Variants in FAM24B observed in about 807,000 individuals in gnomAD.
FAM24B encodes the protein protein FAM24B.
A neutral mutation model predicts 2.3 loss-of-function variants in FAM24B; 3 were observed. The ratio of observed to expected loss-of-function variants is 1.29; its 90% CI spans 0.59 to 3.32. The LOEUF (loss-of-function observed/expected upper bound fraction) is 3.32. FAM24B is among the 30% of genes most tolerant of loss of function. The probability of loss-of-function intolerance (pLI) is 0.03; values close to 1 mark genes in which losing one functional copy is unlikely to be tolerated. For missense variants in FAM24B, 98 were observed against 117.2 expected (o/e 0.84, Z 0.76); for synonymous variants, 36 against 46.3 (o/e 0.78, Z 0.90).
intron 2 of FAM24B, 30 bp from the exon 3 acceptor site, chr10:122,850,580 G>A: frequency 8.5e-7 from 1 of 1,169,648 alleles, no homozygotes; most frequent in East Asian, 2.3e-5. Flanking sequence ...CAAGCACTGA[G>A]CCCACGTGGT....
At chr10:122,859,356 GCTTTATAC>G (rs1566253810) in intron 1 of FAM24B, among the ~76,000 whole-genome samples, 1 of 152,206 alleles carries the variant, frequency 6.6e-6, no homozygotes, top group Non-Finnish European at 1.5e-5. Flanking sequence ...ATGGCAGAAA[GCTTTATAC>G]CTTATCAGAA....
chr10:122,852,976 T>C (rs1235895265), intron 2 of FAM24B, among the ~76,000 whole-genome samples: 1 of 152,158 alleles, frequency 6.6e-6, no homozygotes, highest in East Asian at 1.9e-4. Flanking sequence ...CCATTGGTGT[T>C]TCCAAGTTGC....
At chr10:122,860,658 T>C (rs1847714258) in intron 1 of FAM24B, among the ~76,000 whole-genome samples, 1 of 152,262 alleles carries the variant, frequency 6.6e-6, no homozygotes, top group Admixed American at 6.5e-5. Flanking sequence ...TTCTAGCAGC[T>C]ATGTTAATTT....
chr10:122,869,124 G>A (rs1460818797), intron 1 of FAM24B, among the ~76,000 whole-genome samples: 10 of 151,866 alleles, frequency 6.6e-5, no homozygotes, highest in Admixed American at 2.6e-4. Context: ...AAAAGGCAGG[G>A]GTTGCAATCC....
intron 1 of FAM24B, among the ~76,000 whole-genome samples, chr10:122,865,203 T>C (rs186151438): frequency 6.6e-6 from 1 of 152,348 alleles, no homozygotes; most frequent in African/African-American, 2.4e-5. Context: ...TTTTTTATTT[T>C]AGCCATTCTA....
rs139798720 is a variant in FAM24B at position 122,860,551 on chromosome 10, T to C, written c.-177-4765A>G. On this transcript the variant is annotated intron_variant, in intron 1 of 3. Transcript: ENST00000368898. Reference sequence around the variant, plus strand: ...AATACCTAAGGGTAGAATTGCTGGGTTGTGTATTCAGTGTATGTCTGACTT... The same window carrying C: ...AATACCTAAGGGTAGAATTGCTGGGCTGTGTATTCAGTGTATGTCTGACTT... Among the ~76,000 whole-genome samples, 621 of 152,350 alleles carry C rather than the reference T, an allele frequency of 4.1e-3. 5 individuals carry two copies. The highest frequency in any genetic ancestry group is 0.014 in the African/African-American group (574 of 41,584).
chr10:122,852,276 C>T (rs1847552232), intron 2 of FAM24B, among the ~76,000 whole-genome samples: 1 of 152,160 alleles, frequency 6.6e-6, no homozygotes, highest in Admixed American at 6.5e-5. Flanking sequence ...CAGAGAATCC[C>T]AGCTTAGGAG....
chr10:122,856,169 T>C (rs1847633885), intron 1 of FAM24B, among the ~76,000 whole-genome samples: 1 of 151,964 alleles, frequency 6.6e-6, no homozygotes, highest in East Asian at 1.9e-4. Flanking sequence ...TGAAGGGATG[T>C]CCCTCATTGT....
intron 1 of FAM24B, among the ~76,000 whole-genome samples, chr10:122,878,029 T>C (rs1429676756): frequency 6.6e-6 from 1 of 152,208 alleles, no homozygotes; most frequent in African/African-American, 2.4e-5. Context: ...AGAAGAGAAT[T>C]ATAGTATCTA....
At chr10:122,876,153 C>A (rs767841795) in intron 1 of FAM24B, among the ~76,000 whole-genome samples, 3 of 152,204 alleles carry the variant, frequency 2.0e-5, no homozygotes, top group Admixed American at 1.3e-4. Flanking sequence ...ACCTCTAAAG[C>A]TTTTAAATAA....
intron 1 of FAM24B, among the ~76,000 whole-genome samples, chr10:122,860,038 CTT>C (rs112333008): frequency 6.8e-6 from 1 of 147,528 alleles, no homozygotes; most frequent in East Asian, 2.0e-4. Context: ...TTTGGTCTGA[CTT>C]TTTTTTTTTA....
chr10:122,856,417 A>C lies in FAM24B; in HGVS notation c.-177-631T>G, dbSNP rs114707247. Among the ~76,000 whole-genome samples the C allele has an allele frequency of 5.1e-3, 780 of 152,296 alleles. 8 individuals are homozygous for C. The highest frequency in any genetic ancestry group is 0.018 in the African/African-American group (738 of 41,560). ...AACCTGTCCTGCTGTTCTTGACCTG[A>C]ACCATCTGTGGCTGCTGCAGCAAGG... On this transcript the variant is annotated intron_variant, in intron 1 of 3. Coordinates refer to ENST00000368898, the MANE Select transcript of FAM24B (RefSeq NM_152644.3).
chr10:122,877,784 A>G (rs1374184246), intron 1 of FAM24B, among the ~76,000 whole-genome samples: 1 of 152,104 alleles, frequency 6.6e-6, no homozygotes, highest in Non-Finnish European at 1.5e-5. Context: ...TTTCTCACTA[A>G]CTTTTGCAAA....
At chr10:122,866,023 C>A (rs1009845215) in intron 1 of FAM24B, among the ~76,000 whole-genome samples, 1 of 151,916 alleles carries the variant, frequency 6.6e-6, no homozygotes, top group African/African-American at 2.4e-5. Flanking sequence ...CTGCCCTAGC[C>A]TCCCGAGTAG....
chr10:122,849,533 T>C (rs1039387006), intron 3 of FAM24B, 94 bp from the exon 4 acceptor site: 1 of 1,146,748 alleles, frequency 8.7e-7, no homozygotes, highest in East Asian at 2.6e-5. Context: ...AGTTTAGTGC[T>C]GAAGCCAGTC....
intron 1 of FAM24B, among the ~76,000 whole-genome samples, chr10:122,865,008 T>TA (rs527368471): frequency 3.9e-5 from 6 of 152,204 alleles, no homozygotes; most frequent in Non-Finnish European, 8.8e-5. Flanking sequence ...CAATTATGAA[T>TA]AAAGCCACTA....
chr10:122,873,585 C>A (rs1278277859), intron 1 of FAM24B, among the ~76,000 whole-genome samples: 1 of 152,206 alleles, frequency 6.6e-6, no homozygotes, highest in Non-Finnish European at 1.5e-5. Context: ...GTAATTTCAA[C>A]TTTCAAGTCT....
intron 1 of FAM24B, among the ~76,000 whole-genome samples, chr10:122,856,924 T>C (rs1197699804): frequency 2.0e-5 from 3 of 152,178 alleles, no homozygotes. Context: ...GTCCCTAAGC[T>C]GCCAGCCCCC....
chr10:122,849,144 A>C lies in FAM24B; in HGVS notation c.*103T>G. Reference sequence around the variant, plus strand: ...CAAAAGTATATAAAACAACACTGTAAATTATATAATCTCACATAAAAACAC... The same window carrying C: ...CAAAAGTATATAAAACAACACTGTACATTATATAATCTCACATAAAAACAC... On this transcript the variant is annotated 3_prime_UTR_variant, in exon 4 of 4. Transcript: ENST00000368898. The C allele has an allele frequency of 1.2e-6, 1 of 840,670 alleles. No individual in the cohort carries two copies. The highest frequency in any genetic ancestry group is 3.3e-5 in the Admixed American group (1 of 30,716). The allele number at this position is 840,670 out of a possible 1,614,324, so 52.1% of individuals were successfully genotyped here.
Sources: gnomAD v4.1 joint callset for allele counts (sites outside exome capture counted in the v4.1 genomes callset) on GRCh38, gnomAD v4.1.1 for gene constraint, MANE v1.5 for transcripts, NCBI Gene and HGNC (gene_info 2026-07-23, HGNC 2026-07-21) for gene names.